COL18A1: variants seen among roughly 807,000 people sequenced by gnomAD.
The protein encoded by COL18A1 is collagen alpha-1(XVIII) chain.
COL18A1 carries 133 observed loss-of-function variants against 168.0 expected under a neutral mutation model. The observed-to-expected ratio is 0.79, with a 90% CI of 0.69 to 0.91. COL18A1 has a LOEUF of 0.91. COL18A1 is among the 40% of genes least tolerant of loss of function. The pLI, the probability that COL18A1 is intolerant of heterozygous loss-of-function variation, is 0.00. For synonymous variants in COL18A1, 949 were observed against 809.0 expected (o/e 1.17, Z -2.94); for missense variants, 2,126 against 1,925.4 (o/e 1.10, Z -1.95).
At chr21:45,437,123 A>ACT (rs1491291865) in intron 2 of COL18A1, among the ~76,000 whole-genome samples, 39 of 100,706 alleles carry the variant, frequency 3.9e-4, no homozygotes, top group Admixed American at 2.6e-3. Context: ...TCACACACAG[A>ACT]CACACAGGCA....
At chr21:45,506,828 G>A (rs950278452) in intron 37 of COL18A1, 41 of 160,266 alleles carry the variant, frequency 2.6e-4, no homozygotes, top group Non-Finnish European at 4.2e-4. Flanking sequence ...CCTCCCTCTC[G>A]CCACCGGCCC....
intron 2 of COL18A1, among the ~76,000 whole-genome samples, chr21:45,452,817 T>C (rs996209241): frequency 6.6e-6 from 1 of 151,696 alleles, no homozygotes; most frequent in African/African-American, 2.4e-5. Flanking sequence ...TGTGTATGCA[T>C]GTGAGCATGT....
chr21:45,470,425 C>CTTTTT (rs1195744330), intron 3 of COL18A1, among the ~76,000 whole-genome samples: 82 of 37,038 alleles, frequency 2.2e-3, no homozygotes, highest in Non-Finnish European at 3.2e-3. Flanking sequence ...TTTACCTTGT[C>CTTTTT]TTTTTTTTTT....
intron 2 of COL18A1, among the ~76,000 whole-genome samples, chr21:45,461,591 C>A (rs116453398): frequency 0.019 from 2,948 of 151,584 alleles, 92 homozygotes; most frequent in African/African-American, 0.067. Flanking sequence ...GCTGCTGGGC[C>A]CCCCTCGAGG....
chr21:45,490,746 A>C (rs912429299), intron 20 of COL18A1, 90 bp from the exon 21 acceptor site: 10 of 1,339,288 alleles, frequency 7.5e-6, no homozygotes, highest in Non-Finnish European at 4.2e-6. Context: ...GAAATAAAGA[A>C]CCCCACATCT....
chr21:45,476,963 G>T, intron 6 of COL18A1, among the ~76,000 whole-genome samples: 1 of 151,706 alleles, frequency 6.6e-6, no homozygotes, highest in African/African-American at 2.4e-5. Context: ...CAGGTGGGGA[G>T]ATGCCGAGGC....
intron 7 of COL18A1, 111 bp from the exon 8 acceptor site, chr21:45,477,639 T>C: frequency 1.6e-6 from 2 of 1,286,318 alleles, no homozygotes; most frequent in South Asian, 2.6e-5. Flanking sequence ...ACCCTGCGTG[T>C]CCACTGTGGG....
At chr21:45,440,107 C>T (rs1294526791) in intron 2 of COL18A1, among the ~76,000 whole-genome samples, 1 of 152,220 alleles carries the variant, frequency 6.6e-6, no homozygotes, top group African/African-American at 2.4e-5. Context: ...CCGGCCTAGC[C>T]CCCGACGCTC....
chr21:45,422,387 C>T (rs373383111), intron 2 of COL18A1: 41 of 490,822 alleles, frequency 8.4e-5, no homozygotes, highest in South Asian at 2.4e-4. Context: ...GGCGGGGCCT[C>T]GCCTGTGGGC....
At chr21:45,507,270 T>G (rs1470214076) in intron 37 of COL18A1, 1 of 465,530 alleles carries the variant, frequency 2.1e-6, no homozygotes, top group Non-Finnish European at 3.8e-6. Context: ...GAGGGCAACC[T>G]GCTGTGGACT....
At chr21:45,422,310 T>A (rs146927282) in intron 2 of COL18A1, 2 of 360,830 alleles carry the variant, frequency 5.5e-6, no homozygotes, top group Non-Finnish European at 1.1e-5. Flanking sequence ...GGCCCTGGGT[T>A]TGGTGGGCTC....
chr21:45,452,828 A>G (rs1434178513), intron 2 of COL18A1, among the ~76,000 whole-genome samples: 1 of 149,598 alleles, frequency 6.7e-6, no homozygotes, highest in Non-Finnish European at 1.5e-5. Flanking sequence ...GTGAGCATGT[A>G]TGACATGTGT....
Position 45,490,307 on chromosome 21 carries a change from C to T in COL18A1, c.1992C>T (p.Phe664=), listed in dbSNP as rs777848682. ...GEVGADGVPG[F]PGLPGREGIA... ...TTGGAGCAGATGGAGTCCCCGGGTT[C>T]CCCGGCCTCCCTGGCAGAGAGGGCA... is the stretch of plus-strand genomic sequence containing the variant. The change falls in exon 20 of 42, where the codon TTC becomes TTT. Residue 664 remains phenylalanine, a synonymous_variant. Transcript: ENST00000651438. The T allele has an allele frequency of 1.3e-6, 2 of 1,588,186 alleles. No homozygotes were observed. The highest frequency in any genetic ancestry group is 8.6e-7 in the Non-Finnish European group (1 of 1,168,088).
chr21:45,489,472 C>CT lies in COL18A1; in HGVS notation c.1924-8dup. 1.9e-6 allele frequency: 3 copies of CT among 1,594,822 alleles called. No homozygotes were observed. The highest frequency in any genetic ancestry group is 1.7e-5 in the Admixed American group (1 of 58,064). On this transcript the variant is annotated splice_polypyrimidine_tract_variant and intron_variant, in intron 18 of 41. Transcript: ENST00000651438. ...GCCCCAGCAGGTGCTCACGGAGCCC[C>CT]TTTTTTCACTTAGGGGGATCCTGGC...
At chr21:45,512,049 C>G in intron 41 of COL18A1, 139 bp from the exon 42 acceptor site, 1 of 904,598 alleles carries the variant, frequency 1.1e-6, no homozygotes, top group Non-Finnish European at 1.8e-6. Context: ...CCATGTGGCC[C>G]TCCAGGTTGT....
intron 2 of COL18A1, chr21:45,467,571 G>A (rs555732482): frequency 1.7e-5 from 8 of 469,028 alleles, no homozygotes; most frequent in African/African-American, 8.5e-5. Context: ...GTGAAATCCC[G>A]CACCGTGTCC....
chr21:45,508,710 C>T (rs1343171461), intron 38 of COL18A1, among the ~76,000 whole-genome samples: 1 of 152,144 alleles, frequency 6.6e-6, no homozygotes, highest in African/African-American at 2.4e-5. Flanking sequence ...TCTGCTCTCA[C>T]TCATTTGCTG....
chr21:45,424,829 CCCG>C (rs2033739082), intron 2 of COL18A1: 2 of 152,560 alleles, frequency 1.3e-5, no homozygotes, highest in Non-Finnish European at 2.9e-5. Flanking sequence ...CCGCCTCCTG[CCCG>C]TCGGTTTCCA....
intron 4 of COL18A1, among the ~76,000 whole-genome samples, chr21:45,474,847 T>A (rs2035585646): frequency 4.3e-5 from 2 of 46,796 alleles, no homozygotes; most frequent in African/African-American, 1.8e-4. Flanking sequence ...ACTTTCATGC[T>A]TTTTCTTTAT....
Sources: gnomAD v4.1 joint callset for allele counts (sites outside exome capture counted in the v4.1 genomes callset) on GRCh38, gnomAD v4.1.1 for gene constraint, MANE v1.5 for transcripts, NCBI Gene and HGNC (gene_info 2026-07-23, HGNC 2026-07-21) for gene names.